The following DNAH6 variants were observed in gnomAD, a reference collection of about 807,000 sequenced individuals.
DNAH6 encodes axonemal beta dynein heavy chain 6.
Under a neutral mutation model 491.4 loss-of-function variants are expected in DNAH6, and 340 were observed. The ratio of observed to expected loss-of-function variants is 0.69; its 90% CI spans 0.63 to 0.76. The LOEUF (loss-of-function observed/expected upper bound fraction) is 0.76, where lower values mean the gene tolerates loss of function less well. Ranked by LOEUF, DNAH6 falls within the 30% of genes least tolerant of loss-of-function variation. The pLI is 0.00. For synonymous variants in DNAH6, 1,603 were observed against 1,686.1 expected (o/e 0.95, Z 1.21); for missense variants, 4,443 against 4,972.2 (o/e 0.89, Z 3.20).
At chr2:84,709,958 C>G (rs1486383325) in intron 55 of DNAH6, among the ~76,000 whole-genome samples, 1 of 152,118 alleles carries the variant, frequency 6.6e-6, no homozygotes, top group Non-Finnish European at 1.5e-5. Context: ...TTTTCTGACT[C>G]CCTAAGTTCA....
rs1692814188 is a variant in DNAH6 at position 84,672,327 on chromosome 2, G to A, written c.6455G>A (p.Gly2152Glu). The A allele has an allele frequency of 6.5e-7, 1 of 1,545,802 alleles. No homozygotes were observed. The highest frequency in any genetic ancestry group is 2.4e-5 in the East Asian group (1 of 40,840). The change falls in exon 40 of 77, where the codon GGA becomes GAA. Residue 2152 changes from glycine (G) to glutamate (E), a missense_variant and splice_region_variant. Coordinates refer to ENST00000389394, the MANE Select transcript of DNAH6 (RefSeq NM_001370.2). ...AATTAAATTCATTTTATTTCCCTAG[G>A]AGCACCGGGAAACAAACGAATTGTG... ...KLERKRKNILGAPGNKRIVIF... is the reference protein window; with the variant it reads ...KLERKRKNILEAPGNKRIVIF...
At chr2:84,637,630 T>C (rs879708184) in intron 31 of DNAH6, among the ~76,000 whole-genome samples, 3 of 152,174 alleles carry the variant, frequency 2.0e-5, no homozygotes, top group African/African-American at 7.2e-5. Flanking sequence ...AATGAGTTAA[T>C]TAACCAGTTC....
chr2:84,589,981 G>A (rs1165159681), intron 16 of DNAH6, among the ~76,000 whole-genome samples: 1 of 152,078 alleles, frequency 6.6e-6, no homozygotes, highest in Non-Finnish European at 1.5e-5. Flanking sequence ...CAGAGCCCCA[G>A]ATGGATGACC....
chr2:84,481,016 A>C, the DNAH6 span, among the ~76,000 whole-genome samples: 3 of 152,022 alleles, frequency 2.0e-5, no homozygotes, highest in African/African-American at 7.3e-5. Flanking sequence ...CCAGGCCTGC[A>C]TCCTCACAGT....
At chr2:84,496,434 A>C in the DNAH6 span, among the ~76,000 whole-genome samples, 7 of 152,216 alleles carry the variant, frequency 4.6e-5, no homozygotes, top group Non-Finnish European at 8.8e-5. Context: ...AAATATAATC[A>C]TGTTATGCAA....
At chr2:84,476,483 A>G in the DNAH6 span, among the ~76,000 whole-genome samples, 1 of 152,174 alleles carries the variant, frequency 6.6e-6, no homozygotes, top group African/African-American at 2.4e-5. Flanking sequence ...CTAGTAAAAC[A>G]TACTTTTTTC....
At chr2:84,703,218 A>G (rs1445618964) in intron 49 of DNAH6, among the ~76,000 whole-genome samples, 177 bp from the exon 50 acceptor site, 3 of 152,256 alleles carry the variant, frequency 2.0e-5, no homozygotes, top group Non-Finnish European at 4.4e-5. Context: ...GGCCATTTCT[A>G]GAGTTCCATT....
chr2:84,682,978 C>T (rs1419566237), intron 42 of DNAH6, among the ~76,000 whole-genome samples: 1 of 152,152 alleles, frequency 6.6e-6, no homozygotes, highest in Non-Finnish European at 1.5e-5. Flanking sequence ...CCACTTTCCT[C>T]CTTGCTACTG....
At position 84,634,635 on chromosome 2, in the gene DNAH6, G is replaced by A. The variant is rs1017643792; in HGVS notation, c.4647G>A (p.Ala1549=). ...QQLITIRNAK[A]AKLSRFMFEG... ...TCATTACCATTAGGAACGCCAAAGC[G>A]GCAAAGGTAAGGCACTGGGCAATCG... Residue 1549 remains alanine (A), a synonymous_variant, in exon 30 of 77, where the codon GCG becomes GCA. Transcript: ENST00000389394. 38 of 1,534,068 alleles carry A rather than the reference G, an allele frequency of 2.5e-5. No individual in the cohort carries two copies. The highest frequency in any genetic ancestry group is 5.0e-5 in the East Asian group (2 of 39,848).
intron 8 of DNAH6, 122 bp from the exon 9 acceptor site, chr2:84,549,766 TA>T: frequency 1.4e-6 from 1 of 694,122 alleles, no homozygotes; most frequent in Non-Finnish European, 2.3e-6. Flanking sequence ...GTAATATAAT[TA>T]AATGGAAATT....
the DNAH6 span, among the ~76,000 whole-genome samples, chr2:84,491,634 CT>C: frequency 2.0e-5 from 3 of 152,146 alleles, no homozygotes; most frequent in Admixed American, 2.0e-4. Context: ...GACATGATGT[CT>C]GGGACTGCAG....
At chr2:84,506,660 T>A in the DNAH6 span, among the ~76,000 whole-genome samples, 1 of 150,726 alleles carries the variant, frequency 6.6e-6, no homozygotes, top group Non-Finnish European at 1.5e-5. Flanking sequence ...ATGTCCTGAA[T>A]GGTATTGCCT....
chr2:84,699,724 G>C lies in DNAH6; in HGVS notation c.7808G>C (p.Trp2603Ser). The change falls in exon 48 of 77, where the codon TGG becomes TCG. Residue 2603 changes from tryptophan (W) to serine (S), a missense_variant. This residue lies in a region of DNAH6 where 2,977 missense variants were observed against 3,296.6 expected (regional missense o/e 0.90). Transcript: ENST00000389394. ...CTTGTGAATTGCTGCACCATTGACT[G>C]GTTTGTGCAGGTTGGTGACATCCCA... ...PSLVNCCTID[W>S]FVQWPREALL... 6 of 1,550,796 alleles carry C rather than the reference G, an allele frequency of 3.9e-6. No homozygotes were observed. Among genetic ancestry groups the C allele is most frequent in the Non-Finnish European group, 5.2e-6 (6 of 1,146,728 alleles).
chr2:84,634,634 C>A lies in DNAH6; in HGVS notation c.4646C>A (p.Ala1549Glu), dbSNP rs1000856327. The A allele has an allele frequency of 6.5e-7, 1 of 1,533,124 alleles. No individual in the cohort carries two copies. Among genetic ancestry groups the A allele is most frequent in the Admixed American group, 2.1e-5 (1 of 47,524 alleles). 95.0% of individuals were successfully genotyped at this position (1,533,124 alleles called of 1,614,324 possible). The change falls in exon 30 of 77, where the codon GCG becomes GAG. Residue 1549 changes from alanine (A) to glutamate (E), a missense_variant. Around this residue, in one of 3 missense-constraint regions of DNAH6, gnomAD observed 2,977 missense variants for 3,296.6 expected, o/e 0.90. Transcript: ENST00000389394. Reference sequence around the variant, plus strand: ...CTCATTACCATTAGGAACGCCAAAGCGGCAAAGGTAAGGCACTGGGCAATC... The same window carrying A: ...CTCATTACCATTAGGAACGCCAAAGAGGCAAAGGTAAGGCACTGGGCAATC... ...QQLITIRNAK[A>E]AKLSRFMFEG...
chr2:84,483,302 T>A, the DNAH6 span, among the ~76,000 whole-genome samples: 2 of 152,156 alleles, frequency 1.3e-5, no homozygotes, highest in Non-Finnish European at 2.9e-5. Flanking sequence ...ACCTGACTCT[T>A]ATCCAGTCCC....
intron 3 of DNAH6, among the ~76,000 whole-genome samples, chr2:84,526,591 G>T (rs1664048501): frequency 6.6e-6 from 1 of 152,144 alleles, no homozygotes; most frequent in African/African-American, 2.4e-5. Context: ...TTTGGGAGTT[G>T]CACTAAGCTG....
chr2:84,658,391 C>T lies in DNAH6; in HGVS notation c.5857C>T (p.Gln1953Ter), dbSNP rs1368545597. The T allele has an allele frequency of 1.3e-6, 2 of 1,549,550 alleles. No homozygotes were observed. The highest frequency in any genetic ancestry group is 1.4e-5 in the African/African-American group (1 of 73,036). The part of the protein sequence containing the change: ...INKKCSQAIP[Q>*]VDISKVTTLC... ...TAAAAAGTGCAGCCAAGCAATTCCA[C>T]AAGTGGACATCAGCAAAGTTACTAC... The change falls in exon 36 of 77, where the codon CAA becomes TAA. Residue 1953 changes from glutamine to a stop codon, truncating the protein, a stop_gained. Transcript: ENST00000389394. LOFTEE classifies it high-confidence loss of function.
upstream of DNAH6, among the ~76,000 whole-genome samples, chr2:84,514,867 T>TCTCACACACACACACACACACA (rs71390175): frequency 7.2e-6 from 1 of 139,006 alleles, no homozygotes; most frequent in African/African-American, 2.8e-5. Context: ...TTCACCACAG[T>TCTCACACACACACACACACACA]CACACACACA....
intron 11 of DNAH6, among the ~76,000 whole-genome samples, chr2:84,571,309 T>C (rs75261813): frequency 0.02 from 3,062 of 152,246 alleles, 101 homozygotes; most frequent in African/African-American, 0.07. Context: ...AATGGGTTAT[T>C]TACATAGCCT....
Sources: gnomAD v4.1 joint callset for allele counts (sites outside exome capture counted in the v4.1 genomes callset) on GRCh38, gnomAD v4.1.1 for gene constraint, gnomAD v4.1.1 regional missense constraint, MANE v1.5 for transcripts, NCBI Gene and HGNC (gene_info 2026-07-23, HGNC 2026-07-21) for gene names.